The following ARFIP1 variants were observed in gnomAD, a reference collection of about 807,000 sequenced individuals.
ARFIP1 encodes the protein ARF interacting protein 1, also known as arfaptin-1.
A neutral mutation model predicts 42.5 loss-of-function variants in ARFIP1; 24 were observed. That is an observed-to-expected ratio of 0.57 (90% confidence interval 0.41 to 0.80). The LOEUF (loss-of-function observed/expected upper bound fraction) is 0.80. ARFIP1 is among the 30% of genes least tolerant of loss of function. The pLI is 0.00. For synonymous variants in ARFIP1, 141 were observed against 153.7 expected (o/e 0.92, Z 0.61); for missense variants, 354 against 434.0 (o/e 0.82, Z 1.64).
chr4:152,843,240 G>A (rs1409606875), intron 2 of ARFIP1, among the ~76,000 whole-genome samples: 1 of 152,116 alleles, frequency 6.6e-6, no homozygotes, highest in Non-Finnish European at 1.5e-5. Flanking sequence ...TGGTACTGGG[G>A]GTTATCTGCA....
intron 2 of ARFIP1, among the ~76,000 whole-genome samples, chr4:152,847,476 A>G (rs902489476): frequency 6.6e-6 from 1 of 151,986 alleles, no homozygotes; most frequent in Non-Finnish European, 1.5e-5. Flanking sequence ...AGATGTGGAG[A>G]GGATAATCAT....
Position 152,855,280 on chromosome 4 carries a change from C to T in ARFIP1, c.94-8326C>T, listed in dbSNP as rs1052599187. Among the ~76,000 whole-genome samples, 40 of 151,572 alleles carry T rather than the reference C, an allele frequency of 2.6e-4. No individual in the cohort carries two copies. The East Asian group carries it at 4.3e-3, about 16-fold the overall frequency. ...CAGACTATGTGTTCTGGCACAGCTGCGGGGGGTGGGGAAGCCAGGTTGGGT... is the reference window on the plus strand; with the variant it reads ...CAGACTATGTGTTCTGGCACAGCTGTGGGGGGTGGGGAAGCCAGGTTGGGT... On this transcript the variant is annotated intron_variant, in intron 2 of 8. Coordinates refer to ENST00000353617, the MANE Select transcript of ARFIP1 (RefSeq NM_001025595.3).
At chr4:152,890,709 G>A (rs1045781009) in intron 8 of ARFIP1, among the ~76,000 whole-genome samples, 7 of 152,116 alleles carry the variant, frequency 4.6e-5, no homozygotes, top group Non-Finnish European at 8.8e-5. Context: ...AGTTTGAGAT[G>A]ATGACAGAAT....
chr4:152,861,583 G>C (rs1733899084), intron 2 of ARFIP1, among the ~76,000 whole-genome samples: 1 of 151,894 alleles, frequency 6.6e-6, no homozygotes, highest in Admixed American at 6.6e-5. Flanking sequence ...CCAAAATAGG[G>C]TGTTTTCAAG....
intron 2 of ARFIP1, among the ~76,000 whole-genome samples, chr4:152,832,466 A>G (rs1187864985): frequency 1.3e-5 from 2 of 152,078 alleles, no homozygotes; most frequent in African/African-American, 4.8e-5. Flanking sequence ...AGTTCTTTAT[A>G]TATTCTGGGT....
chr4:152,795,125 A>G (rs529523649), intron 1 of ARFIP1, among the ~76,000 whole-genome samples: 28 of 152,044 alleles, frequency 1.8e-4, no homozygotes, highest in African/African-American at 6.8e-4. Flanking sequence ...AGGGTAGGTA[A>G]CCTATCTCTT....
At chr4:152,892,855 T>C (rs1418614059) in intron 8 of ARFIP1, among the ~76,000 whole-genome samples, 1 of 152,248 alleles carries the variant, frequency 6.6e-6, no homozygotes, top group Non-Finnish European at 1.5e-5. Context: ...CTTTGTTTAC[T>C]AAACCACATT....
chr4:152,895,766 T>C (rs1043537460), intron 8 of ARFIP1, among the ~76,000 whole-genome samples: 12 of 152,158 alleles, frequency 7.9e-5, no homozygotes, highest in Admixed American at 2.6e-4. Flanking sequence ...TTCACTATGT[T>C]GCCCAGGCTG....
At chr4:152,831,966 TGTA>T (rs777546396) in intron 2 of ARFIP1, among the ~76,000 whole-genome samples, 8 of 151,950 alleles carry the variant, frequency 5.3e-5, no homozygotes, top group Non-Finnish European at 8.8e-5. Flanking sequence ...TGTTTAAAAT[TGTA>T]GTATAGTTTT....
intron 8 of ARFIP1, among the ~76,000 whole-genome samples, chr4:152,891,701 C>G (rs958832604): frequency 1.3e-5 from 2 of 151,734 alleles, no homozygotes; most frequent in Non-Finnish European, 2.9e-5. Context: ...TTTGTTTGTT[C>G]GTTTGTTTGT....
chr4:152,844,582 G>A lies in ARFIP1; in HGVS notation c.93+14856G>A, dbSNP rs118123026. On this transcript the variant is annotated intron_variant, in intron 2 of 8. Transcript: ENST00000353617. ...GTTGTCTTGGTGGTCTCTCCTTATTGAATATGAACCTTATCAGTGGGCAAG... is the reference window on the plus strand; with the variant it reads ...GTTGTCTTGGTGGTCTCTCCTTATTAAATATGAACCTTATCAGTGGGCAAG... 6.5e-3 allele frequency among the ~76,000 whole-genome samples: 992 copies of A among 151,720 alleles called. 38 individuals are homozygous for A. Among genetic ancestry groups the A allele is most frequent in the Admixed American group, 0.059 (898 of 15,260 alleles).
At position 152,812,881 on chromosome 4, in the gene ARFIP1, G is replaced by C. The variant is rs186441550; in HGVS notation, c.-9-16744G>C. Among the ~76,000 whole-genome samples the C allele has an allele frequency of 1.9e-3, 295 of 152,060 alleles. 2 individuals carry two copies. The highest frequency in any genetic ancestry group is 1.0e-3 in the Non-Finnish European group (70 of 67,996). Reference sequence around the variant, plus strand: ...GTTACTCTGTAAGTCTCTTATTTCTGCTTCCTTAATATCTGTTGAATCCAC... The same window carrying C: ...GTTACTCTGTAAGTCTCTTATTTCTCCTTCCTTAATATCTGTTGAATCCAC... On this transcript the variant is annotated intron_variant, in intron 1 of 8. Coordinates refer to ENST00000353617, the MANE Select transcript of ARFIP1 (RefSeq NM_001025595.3).
chr4:152,898,814 A>G (rs1474954182), intron 8 of ARFIP1, among the ~76,000 whole-genome samples: 2 of 152,256 alleles, frequency 1.3e-5, no homozygotes, highest in African/African-American at 4.8e-5. Flanking sequence ...CCTGGATCAT[A>G]TGTTTAAGTG....
chr4:152,885,871 A>G (rs562762300), intron 7 of ARFIP1, among the ~76,000 whole-genome samples: 5 of 152,016 alleles, frequency 3.3e-5, no homozygotes, highest in African/African-American at 1.2e-4. Context: ...AATAATAAGC[A>G]TTCTAAAGGT....
At chr4:152,804,028 TATAAC>T (rs1350325595) in intron 1 of ARFIP1, among the ~76,000 whole-genome samples, 28 of 133,510 alleles carry the variant, frequency 2.1e-4, no homozygotes, top group African/African-American at 7.6e-4. Flanking sequence ...TTATATATAA[TATAAC>T]GTAATATATA....
At chr4:152,885,673 A>G (rs1167701330) in intron 7 of ARFIP1, among the ~76,000 whole-genome samples, 2 of 152,002 alleles carry the variant, frequency 1.3e-5, no homozygotes, top group African/African-American at 4.8e-5. Context: ...TAAGGTCAGT[A>G]TTATAACTTT....
intron 8 of ARFIP1, among the ~76,000 whole-genome samples, chr4:152,898,048 A>G (rs1020604839): frequency 6.7e-6 from 1 of 148,776 alleles, no homozygotes; most frequent in South Asian, 2.1e-4. Flanking sequence ...CAGTGGCGCA[A>G]TCTCGGCTCA....
At chr4:152,851,022 C>A in intron 2 of ARFIP1, among the ~76,000 whole-genome samples, 1 of 152,154 alleles carries the variant, frequency 6.6e-6, no homozygotes, top group Non-Finnish European at 1.5e-5. Context: ...AAACATTTAA[C>A]ATAAGTGTTT....
At chr4:152,804,401 TA>T (rs1355287231) in intron 1 of ARFIP1, among the ~76,000 whole-genome samples, 2 of 105,118 alleles carry the variant, frequency 1.9e-5, no homozygotes, top group South Asian at 2.6e-4. Flanking sequence ...ATATTATATA[TA>T]ATATAACATG....
Sources: gnomAD v4.1 joint callset for allele counts (sites outside exome capture counted in the v4.1 genomes callset) on GRCh38, gnomAD v4.1.1 for gene constraint, MANE v1.5 for transcripts, NCBI Gene and HGNC (gene_info 2026-07-23, HGNC 2026-07-21) for gene names.